Variants in UBE2R2 observed in about 807,000 individuals in gnomAD.
UBE2R2 encodes ubiquitin-conjugating enzyme E2 R2.
UBE2R2 carries 1 observed loss-of-function variant against 27.8 expected under a neutral mutation model. The observed-to-expected ratio is 0.04, with a 90% CI of 0.01 to 0.17. The LOEUF is 0.17. Ranked by LOEUF, UBE2R2 falls within the 10% of genes least tolerant of loss-of-function variation. The pLI is 1.00. For missense variants in UBE2R2, 100 were observed against 291.0 expected (o/e 0.34, Z 4.78); for synonymous variants, 106 against 113.3 (o/e 0.94, Z 0.41).
intron 1 of UBE2R2, among the ~76,000 whole-genome samples, chr9:33,826,145 CAA>C (rs36036831): frequency 2.7e-4 from 28 of 102,486 alleles, no homozygotes; most frequent in Non-Finnish European, 3.1e-4. Flanking sequence ...GACTCTGTCT[CAA>C]AAAAAAAAAA....
chr9:33,918,385 A>C lies in UBE2R2; in HGVS notation c.*1148A>C, dbSNP rs1267865252. The C allele has an allele frequency of 6.6e-6, 1 of 151,782 alleles. No homozygotes were observed. The highest frequency in any genetic ancestry group is 1.9e-4 in the East Asian group (1 of 5,166). The allele number at this position is 151,782 out of a possible 1,614,324, so 9.4% of individuals were successfully genotyped here. A position where few individuals can be genotyped will look rare whatever the true frequency, so the allele number is the denominator to read the frequency against. ...GTTACCGCCTTCTTCATTGGATGTG[A>C]TCTGAACTTTTTTTCTCCTTTCAAC... On this transcript the variant is annotated 3_prime_UTR_variant, in exon 5 of 5. Coordinates refer to ENST00000263228, the MANE Select transcript of UBE2R2 (RefSeq NM_017811.4).
chr9:33,838,708 T>C (rs1051750046), intron 1 of UBE2R2, among the ~76,000 whole-genome samples: 1 of 152,318 alleles, frequency 6.6e-6, no homozygotes, highest in East Asian at 1.9e-4. Flanking sequence ...TTTAGCTCTT[T>C]ACCTCCTTCT....
At chr9:33,834,111 C>T (rs2252228) in intron 1 of UBE2R2, among the ~76,000 whole-genome samples, 4,695 of 151,600 alleles carry the variant, frequency 0.031, 155 homozygotes, top group East Asian at 0.089. Context: ...TTGGTAGACT[C>T]TAGAGTCCCA....
intron 1 of UBE2R2, among the ~76,000 whole-genome samples, chr9:33,831,472 A>G (rs1820478835): frequency 6.6e-6 from 1 of 152,232 alleles, no homozygotes; most frequent in South Asian, 2.1e-4. Context: ...GCTGGAGTGC[A>G]GTGGCGCCAT....
intron 1 of UBE2R2, among the ~76,000 whole-genome samples, chr9:33,818,352 G>A (rs1825874758): frequency 9.2e-6 from 1 of 108,498 alleles, no homozygotes; most frequent in African/African-American, 3.6e-5. Flanking sequence ...GACTGGATTG[G>A]ACTTTTCTTT....
chr9:33,909,115 T>C (rs958019462), intron 3 of UBE2R2, among the ~76,000 whole-genome samples: 7 of 151,718 alleles, frequency 4.6e-5, no homozygotes, highest in Non-Finnish European at 8.8e-5. Flanking sequence ...TTGCACAGCA[T>C]AGGTTATACA....
chr9:33,821,816 A>G (rs1366090000), intron 1 of UBE2R2, among the ~76,000 whole-genome samples: 1 of 151,906 alleles, frequency 6.6e-6, no homozygotes, highest in Non-Finnish European at 1.5e-5. Flanking sequence ...ACAGGGTTTC[A>G]CCATGTTGGC....
At chr9:33,908,355 G>A (rs1779269696) in intron 3 of UBE2R2, among the ~76,000 whole-genome samples, 1 of 152,182 alleles carries the variant, frequency 6.6e-6, no homozygotes, top group Non-Finnish European at 1.5e-5. Flanking sequence ...CAACAGGGAT[G>A]GAATCCTTTC....
intron 1 of UBE2R2, among the ~76,000 whole-genome samples, chr9:33,833,867 G>T (rs1443265768): frequency 6.6e-6 from 1 of 152,028 alleles, no homozygotes; most frequent in Admixed American, 6.6e-5. Flanking sequence ...TTTATTCTGG[G>T]CACCTTGTAG....
intron 4 of UBE2R2, among the ~76,000 whole-genome samples, chr9:33,914,247 A>G (rs2130823963): frequency 6.6e-6 from 1 of 152,340 alleles, no homozygotes; most frequent in South Asian, 2.1e-4. Flanking sequence ...ATATAATGTA[A>G]TAGATTTCCT....
At chr9:33,853,425 T>C (rs1345415862) in intron 1 of UBE2R2, among the ~76,000 whole-genome samples, 1 of 151,686 alleles carries the variant, frequency 6.6e-6, no homozygotes, top group African/African-American at 2.4e-5. Context: ...TAGCTGGGAT[T>C]ATGGCATGCA....
At chr9:33,847,648 C>CG (rs1820875238) in intron 1 of UBE2R2, among the ~76,000 whole-genome samples, 1 of 151,890 alleles carries the variant, frequency 6.6e-6, no homozygotes, top group South Asian at 2.1e-4. Flanking sequence ...CATTAACCTA[C>CG]GTATAGTAGA....
chr9:33,886,731 G>A (rs1821867442), intron 1 of UBE2R2, 150 bp from the exon 2 acceptor site: 1 of 555,174 alleles, frequency 1.8e-6, no homozygotes, highest in Non-Finnish European at 3.0e-6. Flanking sequence ...CCTGGCACTG[G>A]GGATAACAAA....
intron 1 of UBE2R2, among the ~76,000 whole-genome samples, chr9:33,822,369 G>A (rs1320009929): frequency 6.6e-6 from 1 of 151,372 alleles, no homozygotes; most frequent in African/African-American, 2.4e-5. Flanking sequence ...TGGGATTACA[G>A]GCCTGAGCCA....
intron 1 of UBE2R2, among the ~76,000 whole-genome samples, chr9:33,825,155 A>G (rs541375770): frequency 6.6e-6 from 1 of 152,264 alleles, no homozygotes; most frequent in Admixed American, 6.5e-5. Context: ...AGAGCTTTTA[A>G]GAATGATCGG....
At chr9:33,908,810 T>C (rs144256100) in intron 3 of UBE2R2, among the ~76,000 whole-genome samples, 13 of 152,304 alleles carry the variant, frequency 8.5e-5, no homozygotes, top group Non-Finnish European at 1.0e-4. Flanking sequence ...AGCCTCTAAC[T>C]ACATGAGGCT....
At chr9:33,831,699 G>T (rs2477515) in intron 1 of UBE2R2, among the ~76,000 whole-genome samples, 6,140 of 151,458 alleles carry the variant, frequency 0.041, 272 homozygotes, top group African/African-American at 0.1. Flanking sequence ...TCACTATGTC[G>T]CCCAGGCTGA....
At chr9:33,886,274 G>A (rs1211104335) in intron 1 of UBE2R2, among the ~76,000 whole-genome samples, 1 of 152,174 alleles carries the variant, frequency 6.6e-6, no homozygotes, top group Non-Finnish European at 1.5e-5. Context: ...AATGTACAGA[G>A]TACTGTTTTT....
intron 1 of UBE2R2, among the ~76,000 whole-genome samples, chr9:33,829,231 G>T (rs1820386533): frequency 6.6e-6 from 1 of 152,174 alleles, no homozygotes; most frequent in Admixed American, 6.5e-5. Context: ...ACTTGAATAA[G>T]AGAATGATAA....
Sources: allele counts gnomAD v4.1 joint callset (sites outside exome capture counted in the v4.1 genomes callset), GRCh38; gene constraint gnomAD v4.1.1; transcripts MANE v1.5; gene names NCBI Gene and HGNC (gene_info 2026-07-23, HGNC 2026-07-21).